The following TRIM33 variants were observed in gnomAD, a reference collection of about 807,000 sequenced individuals.
The protein encoded by TRIM33 is tripartite motif containing 33, also known as E3 ubiquitin-protein ligase TRIM33.
In TRIM33, 20 loss-of-function variants were observed where a neutral mutation model predicts 125.4. That is an observed-to-expected ratio of 0.16 (90% CI 0.11 to 0.23). The LOEUF (loss-of-function observed/expected upper bound fraction) is 0.23. Ranked by LOEUF, TRIM33 falls within the 10% of genes least tolerant of loss-of-function variation. TRIM33 has a pLI of 1.00. For missense variants in TRIM33, 920 were observed against 1,411.4 expected, an observed-to-expected ratio of 0.65 and a Z score of 5.58; for synonymous variants, 564 against 513.9, an observed-to-expected ratio of 1.10 and a Z score of -1.32.
Position 114,500,947 on chromosome 1 carries a change from T to C in TRIM33, c.526+9604A>G, listed in dbSNP as rs1652674605. ...GGCTCACGCCTGTAATCCCAGCACT[T>C]TGGGAGGCCGAGGCGGGCGGATCAC... On this transcript the variant is annotated intron_variant, in intron 1 of 19. Coordinates refer to ENST00000358465, the MANE Select transcript of TRIM33 (RefSeq NM_015906.4). 3.1e-5 allele frequency among the ~76,000 whole-genome samples: 2 copies of C among 65,074 alleles called. 1 individual carries two copies. The highest frequency in any genetic ancestry group is 6.6e-5 in the Non-Finnish European group (2 of 30,502). 42.7% of individuals were successfully genotyped at this position (65,074 alleles called of 152,430 possible). A position where few individuals can be genotyped will look rare whatever the true frequency, so the allele number is the denominator to read the frequency against.
intron 4 of TRIM33, among the ~76,000 whole-genome samples, chr1:114,438,659 CTT>C (rs924592650): frequency 3.9e-5 from 6 of 152,212 alleles, no homozygotes; most frequent in African/African-American, 1.4e-4. Flanking sequence ...AGCTAGATGA[CTT>C]TGACAACCCT....
chr1:114,426,336 G>A (rs1177366358), intron 8 of TRIM33, among the ~76,000 whole-genome samples: 1 of 152,044 alleles, frequency 6.6e-6, no homozygotes, highest in Non-Finnish European at 1.5e-5. Flanking sequence ...ATGCTTGGCA[G>A]GCCACATAAG....
chr1:114,480,139 G>T (rs371237677), intron 1 of TRIM33, among the ~76,000 whole-genome samples: 1 of 152,180 alleles, frequency 6.6e-6, no homozygotes, highest in African/African-American at 2.4e-5. Context: ...TACTAAGAAA[G>T]ATTCTTCTGC....
At chr1:114,407,651 C>G (rs763706170) in intron 13 of TRIM33, among the ~76,000 whole-genome samples, 1 of 152,074 alleles carries the variant, frequency 6.6e-6, no homozygotes, top group Non-Finnish European at 1.5e-5. Context: ...AAAGCTTTGA[C>G]AGGACAAAGA....
At chr1:114,502,435 T>C (rs572684609) in intron 1 of TRIM33, among the ~76,000 whole-genome samples, 1 of 152,368 alleles carries the variant, frequency 6.6e-6, no homozygotes, top group East Asian at 1.9e-4. Context: ...GTTTTAAATA[T>C]ATTTTAATTC....
chr1:114,418,032 T>G (rs1021594857), intron 11 of TRIM33, among the ~76,000 whole-genome samples: 2 of 152,228 alleles, frequency 1.3e-5, no homozygotes, highest in Non-Finnish European at 2.9e-5. Context: ...GTTTTCACAC[T>G]GCTATAAAGA....
rs1653346766 is a variant in TRIM33 at position 114,511,124 on chromosome 1, G to C, written c.-48C>G. On this transcript the variant is annotated 5_prime_UTR_variant, in exon 1 of 20. Coordinates refer to ENST00000358465, the MANE Select transcript of TRIM33 (RefSeq NM_015906.4). ...GACCGCCCCGCGCCGCCCGCCGCCC[G>C]CGTCGCCGCCGCCGCCGCCCCCAGC... 3 of 1,109,936 alleles carry C rather than the reference G, an allele frequency of 2.7e-6. No individual in the cohort carries two copies. The highest frequency in any genetic ancestry group is 3.3e-6 in the Non-Finnish European group (3 of 912,018). The allele number at this position is 1,109,936 out of a possible 1,614,324, so 68.8% of individuals were successfully genotyped here.
At chr1:114,450,076 T>C in intron 4 of TRIM33, among the ~76,000 whole-genome samples, 1 of 152,188 alleles carries the variant, frequency 6.6e-6, no homozygotes, top group Non-Finnish European at 1.5e-5. Context: ...ATTCTCACAT[T>C]GATTTATACT....
chr1:114,451,374 TAAA>T (rs11419050), intron 4 of TRIM33, among the ~76,000 whole-genome samples: 10 of 135,662 alleles, frequency 7.4e-5, no homozygotes, highest in Admixed American at 1.5e-4. Context: ...TACCCTGCTT[TAAA>T]AAAAAAAAAA....
At chr1:114,409,148 C>T (rs947416612) in intron 12 of TRIM33, among the ~76,000 whole-genome samples, 2 of 152,146 alleles carry the variant, frequency 1.3e-5, no homozygotes, top group African/African-American at 4.8e-5. Context: ...TCCATATTTA[C>T]ATGTGAATTG....
intron 10 of TRIM33, among the ~76,000 whole-genome samples, chr1:114,422,882 CTT>C (rs1379317764): frequency 6.6e-6 from 1 of 152,034 alleles, no homozygotes; most frequent in African/African-American, 2.4e-5. Context: ...TAATAAAATT[CTT>C]TTAATTCCCA....
intron 1 of TRIM33, among the ~76,000 whole-genome samples, chr1:114,479,897 G>T (rs2101476932): frequency 8.3e-6 from 1 of 120,178 alleles, no homozygotes; most frequent in East Asian, 2.0e-4. Flanking sequence ...GCCCCATCCG[G>T]AAGGTGGGGG....
chr1:114,413,921 G>A (rs1212699941), intron 11 of TRIM33, among the ~76,000 whole-genome samples: 1 of 151,762 alleles, frequency 6.6e-6, no homozygotes, highest in Non-Finnish European at 1.5e-5. Flanking sequence ...CAGTTACTGG[G>A]GATACTGGGA....
chr1:114,447,263 G>A (rs1262566863), intron 4 of TRIM33, among the ~76,000 whole-genome samples: 1 of 152,190 alleles, frequency 6.6e-6, no homozygotes, highest in Non-Finnish European at 1.5e-5. Flanking sequence ...AGGCAACAGA[G>A]GTAGTACGTG....
chr1:114,414,516 C>G (rs1652806517), intron 11 of TRIM33, among the ~76,000 whole-genome samples: 1 of 152,144 alleles, frequency 6.6e-6, no homozygotes, highest in African/African-American at 2.4e-5. Context: ...ATAAAATTTA[C>G]TGATGACATC....
intron 8 of TRIM33, 81 bp downstream of exon 8, chr1:114,427,095 AT>A (rs1414381607): frequency 2.7e-5 from 18 of 655,976 alleles, no homozygotes; most frequent in Non-Finnish European, 4.8e-5. Flanking sequence ...AAAGTTAAAA[AT>A]TTTATCTAAA....
At chr1:114,405,781 T>C in intron 14 of TRIM33, 22 bp from the exon 15 acceptor site, 1 of 1,567,978 alleles carries the variant, frequency 6.4e-7, no homozygotes, top group Non-Finnish European at 8.7e-7. Flanking sequence ...CGATGACAAA[T>C]TCTTGAAGAA....
In TRIM33 at chr1:114,510,684, G is replaced by T; in HGVS notation, c.393C>A (p.Ser131Arg). Reference sequence around the variant, plus strand: ...GCTCCGCCTCACGCCGGCTCTGCAAGCTCTGCTGACACACGGCGCAGGTGT... The same window carrying T: ...GCTCCGCCTCACGCCGGCTCTGCAATCTCTGCTGACACACGGCGCAGGTGT... ...LLDTCAVCQQ[S>R]LQSRREAEPK... The change falls in exon 1 of 20, where the codon AGC (serine) becomes AGA (arginine). Residue 131 changes from serine to arginine, a missense_variant. This residue lies in a region of TRIM33 where 75 missense variants were observed against 123.9 expected (regional missense o/e 0.61). Coordinates refer to ENST00000358465, the MANE Select transcript of TRIM33 (RefSeq NM_015906.4). The T allele has an allele frequency of 6.5e-7, 1 of 1,547,096 alleles. No homozygotes were observed. Among genetic ancestry groups the T allele is most frequent in the East Asian group, 2.4e-5 (1 of 41,732 alleles).
At chr1:114,428,204 A>G (rs1436926609) in intron 6 of TRIM33, among the ~76,000 whole-genome samples, 1 of 152,260 alleles carries the variant, frequency 6.6e-6, no homozygotes, top group Non-Finnish European at 1.5e-5. Flanking sequence ...TGGTATTTAT[A>G]GCATAAGGAG....
Sources: allele counts gnomAD v4.1 joint callset (sites outside exome capture counted in the v4.1 genomes callset), GRCh38; gene constraint gnomAD v4.1.1; regional missense constraint gnomAD v4.1.1; transcripts MANE v1.5; gene names NCBI Gene and HGNC (gene_info 2026-07-23, HGNC 2026-07-21).